The following SS18L2 variants were observed in gnomAD, a reference collection of about 807,000 sequenced individuals.
SS18L2 encodes the protein SS18-like protein 2.
A neutral mutation model predicts 10.3 loss-of-function variants in SS18L2; 8 were observed. The observed-to-expected ratio is 0.78, with a 90% CI of 0.46 to 1.41. The LOEUF is 1.41. SS18L2 is among the 40% of genes most tolerant of loss of function. The probability of loss-of-function intolerance (pLI) is 0.00; values close to 1 mark genes in which losing one functional copy is unlikely to be tolerated. For synonymous variants in SS18L2, 41 were observed against 34.6 expected (o/e 1.19, Z -0.65); for missense variants, 100 against 96.2 (o/e 1.04, Z -0.17).
rs1301455973 is a variant in SS18L2 at position 42,584,408 on chromosome 3, A to G, written c.-90+2450A>G. 7.2e-5 allele frequency among the ~76,000 whole-genome samples: 11 copies of G among 152,092 alleles called. No homozygotes were observed. The East Asian group carries it at 2.1e-3, about 29-fold the overall frequency. ...TAGCTGGGATTACAAGCATCTGCCA[A>G]CACGCCCAGCTAATTTTTGTATTTT... On this transcript the variant is annotated intron_variant, in intron 1 of 3. Coordinates refer to the SS18L2 transcript ENST00000447630.
rs1705029378 is a variant in SS18L2 at position 42,596,327 on chromosome 3, T to A, written c.*1818T>A. Among the ~76,000 whole-genome samples, 1 of 152,220 alleles carries A rather than the reference T, an allele frequency of 6.6e-6. No homozygotes were observed. Among genetic ancestry groups the A allele is most frequent in the South Asian group, 2.1e-4 (1 of 4,834 alleles). ...GTAAGCCACCGCGCCCAGCCGATCA[T>A]TTCTGTTTTCTAGAAAATTATTTTG... On this transcript the variant is annotated 3_prime_UTR_variant, in exon 3 of 3. Coordinates refer to ENST00000011691, the MANE Select transcript of SS18L2 (RefSeq NM_001370300.1).
chr3:42,591,930 C>A (rs1294841725), intron 2 of SS18L2, among the ~76,000 whole-genome samples: 1 of 152,150 alleles, frequency 6.6e-6, no homozygotes, highest in Non-Finnish European at 1.5e-5. Context: ...AGAGCCATGG[C>A]CCCTTTCTCA....
At chr3:42,586,734 A>G (rs776685063), upstream of SS18L2, among the ~76,000 whole-genome samples, 2 of 152,154 alleles carry the variant, frequency 1.3e-5, no homozygotes, top group South Asian at 2.1e-4. Flanking sequence ...CTTATCCACT[A>G]CATAGTTCCA....
intron 1 of SS18L2, chr3:42,582,093 G>T (rs1232928086): frequency 1.3e-5 from 2 of 152,320 alleles, no homozygotes; most frequent in South Asian, 4.1e-4. Context: ...CCCGGCGAAG[G>T]CGCGAACGTA....
chr3:42,585,812 A>G (rs1252220411), intron 1 of SS18L2, among the ~76,000 whole-genome samples: 1 of 152,102 alleles, frequency 6.6e-6, no homozygotes, highest in Non-Finnish European at 1.5e-5. Flanking sequence ...TGCTACATAC[A>G]TTGTCAACTT....
At chr3:42,591,980 G>A (rs1253670075) in intron 2 of SS18L2, among the ~76,000 whole-genome samples, 1 of 152,106 alleles carries the variant, frequency 6.6e-6, no homozygotes, top group Non-Finnish European at 1.5e-5. Flanking sequence ...TTAAGTGAAG[G>A]GGTCAGGCCA....
intron 1 of SS18L2, among the ~76,000 whole-genome samples, chr3:42,585,330 A>C (rs1335266178): frequency 1.3e-5 from 2 of 152,164 alleles, no homozygotes; most frequent in Non-Finnish European, 2.9e-5. Flanking sequence ...ATCATTGTTC[A>C]CTTTGGCTCC....
At chr3:42,587,874 C>T (rs565212856), upstream of SS18L2, among the ~76,000 whole-genome samples, 1 of 152,152 alleles carries the variant, frequency 6.6e-6, no homozygotes, top group South Asian at 2.1e-4. Flanking sequence ...GAGTTCAAGA[C>T]CAGCCTGACC....
At chr3:42,584,014 C>T (rs912829024) in intron 1 of SS18L2, among the ~76,000 whole-genome samples, 3 of 152,196 alleles carry the variant, frequency 2.0e-5, no homozygotes, top group Admixed American at 6.5e-5. Flanking sequence ...TGAACTGAAG[C>T]AGTCTACCAG....
chr3:42,589,331 T>G (rs1338748880), upstream of SS18L2, among the ~76,000 whole-genome samples: 2 of 151,956 alleles, frequency 1.3e-5, no homozygotes, highest in Admixed American at 6.6e-5. Context: ...ATAAAGGGAT[T>G]GTGGAGAGAA....
intron 2 of SS18L2, among the ~76,000 whole-genome samples, chr3:42,592,989 A>C (rs1704904720): frequency 6.6e-6 from 1 of 152,240 alleles, no homozygotes; most frequent in Non-Finnish European, 1.5e-5. Context: ...TTGCATTTCA[A>C]AAATATTGGG....
At chr3:42,586,912 C>A (rs1261876486), upstream of SS18L2, among the ~76,000 whole-genome samples, 1 of 152,208 alleles carries the variant, frequency 6.6e-6, no homozygotes, top group East Asian at 1.9e-4. Flanking sequence ...GCATCTCCCC[C>A]ACTGTTCCCT....
At chr3:42,586,377 C>A (rs963801956), upstream of SS18L2, among the ~76,000 whole-genome samples, 1 of 152,096 alleles carries the variant, frequency 6.6e-6, no homozygotes, top group African/African-American at 2.4e-5. Context: ...CCTGTGCCAC[C>A]ATGCCTGGCT....
chr3:42,592,028 T>C (rs1330433267), intron 2 of SS18L2, among the ~76,000 whole-genome samples: 1 of 152,128 alleles, frequency 6.6e-6, no homozygotes, highest in East Asian at 1.9e-4. Flanking sequence ...TAACTTCCCG[T>C]CAGTCTGTTA....
upstream of SS18L2, among the ~76,000 whole-genome samples, chr3:42,590,058 C>T (rs989171500): frequency 1.3e-4 from 20 of 152,234 alleles, no homozygotes; most frequent in African/African-American, 4.3e-4. Flanking sequence ...GTTTCGTCAT[C>T]TGTAAAATGG....
chr3:42,591,560 T>C lies in SS18L2; in HGVS notation c.105T>C (p.Ile35=). The change falls in exon 2 of 3, where the codon ATT becomes ATC. Residue 35 remains isoleucine (I), a synonymous_variant. Coordinates refer to ENST00000011691, the MANE Select transcript of SS18L2 (RefSeq NM_001370300.1). ...LEENDQLIRC[I]VEYQNKGRGN... is the part of the protein sequence containing the mutation. ...AGAATGACCAGCTGATCCGCTGTAT[T>C]GTGGAGTATCAGAACAAGGGCCGCG... 6.2e-7 allele frequency: 1 copy of C among 1,614,022 alleles called. No individual in the cohort carries two copies.
chr3:42,590,585 C>CA (rs1211821938), upstream of SS18L2, among the ~76,000 whole-genome samples: 189 of 134,802 alleles, frequency 1.4e-3, 1 homozygote, highest in East Asian at 2.4e-3. Context: ...GACTCCATCT[C>CA]AAAAAAAAAA....
upstream of SS18L2, among the ~76,000 whole-genome samples, chr3:42,589,494 T>C (rs937367242): frequency 2.0e-5 from 3 of 152,114 alleles, no homozygotes; most frequent in African/African-American, 7.2e-5. Flanking sequence ...CGAATCTTGT[T>C]ACCACATCCA....
Position 42,594,567 on chromosome 3 carries a change from T to C in SS18L2, c.*58T>C. The C allele has an allele frequency of 1.4e-6, 2 of 1,434,268 alleles. No individual in the cohort carries two copies. Among genetic ancestry groups the C allele is most frequent in the Non-Finnish European group, 2.0e-6 (2 of 1,021,262 alleles). The allele number at this position is 1,434,268 out of a possible 1,614,324, so 88.8% of individuals were successfully genotyped here. Reference sequence around the variant, plus strand: ...GGCTGTCGTGAGGAGTAATTGAATGTAATCCATCTCTTACAAAATGGAGAC... The same window carrying C: ...GGCTGTCGTGAGGAGTAATTGAATGCAATCCATCTCTTACAAAATGGAGAC... On this transcript the variant is annotated 3_prime_UTR_variant, in exon 3 of 3. Transcript: ENST00000011691.
Sources: gnomAD v4.1 joint callset for allele counts (sites outside exome capture counted in the v4.1 genomes callset) on GRCh38, gnomAD v4.1.1 for gene constraint, MANE v1.5 for transcripts, NCBI Gene and HGNC (gene_info 2026-07-23, HGNC 2026-07-21) for gene names.